The following SHANK2 variants were observed in gnomAD, a reference collection of about 807,000 sequenced individuals.
SHANK2 encodes SH3 and multiple ankyrin repeat domains protein 2.
Under a neutral mutation model 133.7 loss-of-function variants are expected in SHANK2, and 43 were observed. The observed-to-expected ratio is 0.32, with a 90% CI of 0.25 to 0.41. The LOEUF is 0.41. Ranked by LOEUF, SHANK2 falls within the 10% of genes least tolerant of loss-of-function variation. SHANK2 has a pLI of 1.00. For missense variants in SHANK2, 1,994 were observed against 2,235.8 expected (o/e 0.89, Z 2.18); for synonymous variants, 1,017 against 952.8 (o/e 1.07, Z -1.24).
intron 11 of SHANK2, among the ~76,000 whole-genome samples, chr11:70,845,213 A>G (rs1485203423): frequency 4.9e-5 from 7 of 143,964 alleles, no homozygotes; most frequent in Admixed American, 2.0e-4. Context: ...AAAAAAAAAA[A>G]AAAAAAGAAA....
At position 71,187,675 on chromosome 11, in the gene SHANK2, A is replaced by G. The variant is rs185424610; in HGVS notation, c.-13+37022T>C. Among the ~76,000 whole-genome samples, 6 of 152,298 alleles carry G rather than the reference A, an allele frequency of 3.9e-5. 1 individual carries two copies. The East Asian group carries it at 1.2e-3, about 29-fold the overall frequency. On this transcript the variant is annotated intron_variant, in intron 2 of 25. Coordinates refer to ENST00000601538, the MANE Select transcript of SHANK2 (RefSeq NM_012309.5). ...ATGTACAGACCCAGGCAGAAGCCTC[A>G]GTGGGAGGCAGTACTTGGTGGGTTT...
At chr11:70,769,165 G>A (rs1483338348) in intron 14 of SHANK2, among the ~76,000 whole-genome samples, 3 of 152,170 alleles carry the variant, frequency 2.0e-5, no homozygotes, top group Admixed American at 6.5e-5. Context: ...GGGTGGTTGA[G>A]TGAATGACTC....
intron 11 of SHANK2, among the ~76,000 whole-genome samples, chr11:70,886,141 G>A (rs372694331): frequency 2.0e-5 from 3 of 152,056 alleles, no homozygotes; most frequent in East Asian, 1.9e-4. Flanking sequence ...CAGCTCACTC[G>A]GTCCCGCGAA....
intron 21 of SHANK2, among the ~76,000 whole-genome samples, chr11:70,494,640 A>G (rs1344578420): frequency 2.6e-5 from 4 of 152,136 alleles, no homozygotes; most frequent in Non-Finnish European, 4.4e-5. Flanking sequence ...AAGGCAGGAG[A>G]ATGTGCAGCA....
intron 14 of SHANK2, among the ~76,000 whole-genome samples, chr11:70,726,447 T>C (rs749562532): frequency 1.6e-5 from 2 of 125,468 alleles, no homozygotes; most frequent in African/African-American, 3.2e-5. Context: ...GTCTTTGCCC[T>C]GAAGCTGTTC....
At chr11:70,827,690 A>AACACACACAC (rs113156725) in intron 11 of SHANK2, among the ~76,000 whole-genome samples, 4 of 130,496 alleles carry the variant, frequency 3.1e-5, no homozygotes, top group African/African-American at 8.9e-5. Flanking sequence ...AGAAATTTAA[A>AACACACACAC]ACACACACAC....
At chr11:70,736,389 T>C (rs552828485) in intron 14 of SHANK2, among the ~76,000 whole-genome samples, 7 of 152,224 alleles carry the variant, frequency 4.6e-5, no homozygotes, top group Middle Eastern at 3.4e-3. Flanking sequence ...GTAGGTGTGA[T>C]TGAGTTAAGG....
chr11:70,698,854 C>T, intron 14 of SHANK2, 91 bp from the exon 15 acceptor site: 3 of 714,182 alleles, frequency 4.2e-6, no homozygotes. Context: ...GGCCCTCTCA[C>T]CTACTCCCCA....
chr11:70,809,406 A>G (rs1948232905), intron 12 of SHANK2, among the ~76,000 whole-genome samples: 1 of 152,100 alleles, frequency 6.6e-6, no homozygotes, highest in Non-Finnish European at 1.5e-5. Context: ...GGATGTGACT[A>G]CCCTCTTTTG....
At chr11:70,805,972 A>G (rs1193772810) in intron 13 of SHANK2, among the ~76,000 whole-genome samples, 1 of 152,260 alleles carries the variant, frequency 6.6e-6, no homozygotes, top group Non-Finnish European at 1.5e-5. Context: ...AACACTGGCC[A>G]TCAGGCAAGA....
chr11:71,083,381 C>T (rs1259337626), intron 8 of SHANK2, among the ~76,000 whole-genome samples: 1 of 152,184 alleles, frequency 6.6e-6, no homozygotes, highest in African/African-American at 2.4e-5. Context: ...ATGCCGGGCA[C>T]TGCAGAAAAT....
chr11:70,592,270 CA>C (rs2060334998), intron 17 of SHANK2, among the ~76,000 whole-genome samples: 1 of 152,108 alleles, frequency 6.6e-6, no homozygotes, highest in Admixed American at 6.5e-5. Context: ...GCTGGTCCCC[CA>C]GGGGACAGCC....
chr11:70,494,427 G>A lies in SHANK2; in HGVS notation c.2309-1962C>T, dbSNP rs12278913. 2.1e-3 allele frequency among the ~76,000 whole-genome samples: 322 copies of A among 152,276 alleles called. 1 individual carries two copies. The highest frequency in any genetic ancestry group is 7.6e-3 in the African/African-American group (315 of 41,570). On this transcript the variant is annotated intron_variant, in intron 21 of 25. Coordinates refer to ENST00000601538, the MANE Select transcript of SHANK2 (RefSeq NM_012309.5). ...TCGTGCCTCAGCCTCCTGAGTAGCT[G>A]GGATTACAGGCGAGCACCACCATGC...
chr11:70,493,463 CATT>C (rs1565535985), intron 21 of SHANK2, among the ~76,000 whole-genome samples: 1 of 122,288 alleles, frequency 8.2e-6, no homozygotes, highest in African/African-American at 2.8e-5. Context: ...ATTTGCAGCA[CATT>C]TTTTTTTTTT....
intron 17 of SHANK2, among the ~76,000 whole-genome samples, chr11:70,557,891 C>T (rs1396622914): frequency 6.6e-6 from 1 of 152,214 alleles, no homozygotes; most frequent in Admixed American, 6.5e-5. Flanking sequence ...CCAGGCGTGC[C>T]GAGCCGGGGC....
intron 11 of SHANK2, among the ~76,000 whole-genome samples, chr11:70,860,785 T>G (rs1555067660): frequency 1.3e-5 from 2 of 152,102 alleles, no homozygotes; most frequent in African/African-American, 4.8e-5. Context: ...AAGGCTGAGG[T>G]GGGAGGATCA....
chr11:70,802,769 G>A (rs140471634), intron 13 of SHANK2, among the ~76,000 whole-genome samples: 36 of 152,220 alleles, frequency 2.4e-4, no homozygotes, highest in South Asian at 4.1e-4. Flanking sequence ...AAACGCTGGC[G>A]CCCCCTGTGC....
chr11:71,251,787 C>A (rs1222285220), intron 1 of SHANK2, among the ~76,000 whole-genome samples: 2 of 151,120 alleles, frequency 1.3e-5, no homozygotes, highest in African/African-American at 4.8e-5. Flanking sequence ...GGGCCCGCAC[C>A]AGGCGCGCCG....
chr11:71,182,584 C>G (rs1953581239), intron 2 of SHANK2, among the ~76,000 whole-genome samples: 1 of 152,146 alleles, frequency 6.6e-6, no homozygotes, highest in Non-Finnish European at 1.5e-5. Flanking sequence ...ACGGTCTTCC[C>G]TCCATGTCTG....
Sources: allele counts gnomAD v4.1 joint callset (sites outside exome capture counted in the v4.1 genomes callset), GRCh38; gene constraint gnomAD v4.1.1; transcripts MANE v1.5; gene names NCBI Gene and HGNC (gene_info 2026-07-23, HGNC 2026-07-21).